MGA: variants seen among roughly 807,000 people sequenced by gnomAD.
MGA encodes the protein MAX dimerization protein MGA, also known as MAX gene-associated protein.
In MGA, 40 loss-of-function variants were observed where a neutral mutation model predicts 261.1. The observed-to-expected ratio is 0.15, with a 90% confidence interval of 0.12 to 0.20. MGA has a LOEUF of 0.20. MGA is among the 10% of genes least tolerant of loss of function. MGA has a pLI of 1.00. For synonymous variants in MGA, 1,302 were observed against 1,290.6 expected (o/e 1.01, Z -0.19); for missense variants, 3,397 against 3,630.5 (o/e 0.94, Z 1.65).
chr15:41,679,567 G>C (rs540062136), intron 2 of MGA, among the ~76,000 whole-genome samples: 1 of 151,974 alleles, frequency 6.6e-6, no homozygotes, highest in Non-Finnish European at 1.5e-5. Flanking sequence ...ATTATATATT[G>C]AGTGATTTCC....
intron 1 of MGA, among the ~76,000 whole-genome samples, chr15:41,660,812 A>G (rs895502263): frequency 3.3e-5 from 5 of 152,058 alleles, no homozygotes; most frequent in African/African-American, 1.2e-4. Flanking sequence ...ACGAGGCGGG[A>G]GGGGTGAGAA....
At chr15:41,748,976 A>T (rs1268505315) in intron 16 of MGA, 49 bp downstream of exon 16, 1 of 1,589,904 alleles carries the variant, frequency 6.3e-7, no homozygotes, top group East Asian at 2.2e-5. Context: ...TCACTTGGCC[A>T]TATGGTATGT....
At chr15:41,732,600 G>C (rs2061568028) in intron 11 of MGA, among the ~76,000 whole-genome samples, 1 of 152,158 alleles carries the variant, frequency 6.6e-6, no homozygotes, top group African/African-American at 2.4e-5. Context: ...TTGTGAGGTG[G>C]GAGGTATTTT....
Position 41,767,450 on chromosome 15 carries a change from A to T in MGA, c.*170A>T. ...GGGTGCTGACCCTGGTATAAGAAGT[A>T]CTCTGAAATTCTGATCATGTTAAAA... On this transcript the variant is annotated 3_prime_UTR_variant, in exon 24 of 24. Coordinates refer to ENST00000219905, the MANE Select transcript of MGA (RefSeq NM_001164273.2). The T allele has an allele frequency of 1.5e-6, 1 of 675,184 alleles. No homozygotes were observed. The highest frequency in any genetic ancestry group is 4.1e-4 in the Middle Eastern group (1 of 2,446). The allele number at this position is 675,184 out of a possible 1,614,324, so 41.8% of individuals were successfully genotyped here.
At chr15:41,666,284 A>C (rs4923907) in intron 1 of MGA, among the ~76,000 whole-genome samples, 1 of 152,100 alleles carries the variant, frequency 6.6e-6, no homozygotes, top group African/African-American at 2.4e-5. Flanking sequence ...CAAGTCATCA[A>C]GTTTTCCTTG....
chr15:41,701,073 G>C (rs2059826518), intron 5 of MGA, among the ~76,000 whole-genome samples: 1 of 152,228 alleles, frequency 6.6e-6, no homozygotes, highest in Non-Finnish European at 1.5e-5. Flanking sequence ...GTAATAGACA[G>C]TCACATCATA....
chr15:41,668,220 C>T (rs1361267148), intron 1 of MGA, among the ~76,000 whole-genome samples: 1 of 151,728 alleles, frequency 6.6e-6, no homozygotes, highest in Non-Finnish European at 1.5e-5. Context: ...ATATTAGAGT[C>T]ATCTGGAATT....
In MGA at chr15:41,704,388, G is replaced by A. The variant is rs62002070; in HGVS notation, c.2189-3340G>A. 3.3e-3 allele frequency among the ~76,000 whole-genome samples: 509 copies of A among 152,218 alleles called. 2 individuals are homozygous for A. Among genetic ancestry groups the A allele is most frequent in the Non-Finnish European group, 4.5e-3 (306 of 68,010 alleles). ...AAATTAGTGATTAGCGGCCAGGCGC[G>A]GTGGCTCACGCCTGTAATCCCAGCA... is the stretch of plus-strand genomic sequence containing the variant. On this transcript the variant is annotated intron_variant, in intron 5 of 23. Transcript: ENST00000219905.
intron 1 of MGA, among the ~76,000 whole-genome samples, chr15:41,647,694 GC>G (rs1351520149): frequency 6.6e-6 from 1 of 151,672 alleles, no homozygotes; most frequent in African/African-American, 2.4e-5. Context: ...ACATTTTTGG[GC>G]TTTTTCAAAC....
chr15:41,672,779 C>T (rs920979358), intron 2 of MGA, among the ~76,000 whole-genome samples: 2 of 151,852 alleles, frequency 1.3e-5, no homozygotes, highest in East Asian at 1.9e-4. Context: ...GCTTGTAAAG[C>T]GTAAAATATT....
At position 41,756,028 on chromosome 15, in the gene MGA, T is replaced by C. The variant is rs554681433; in HGVS notation, c.7139+1461T>C. On this transcript the variant is annotated intron_variant, in intron 18 of 23. Coordinates refer to ENST00000219905, the MANE Select transcript of MGA (RefSeq NM_001164273.2). ...TGAGACTCCATCTCAAAAAAAAAAATTAAAGATTTAATTAGATTTGTTTAA... is the reference window on the plus strand; with the variant it reads ...TGAGACTCCATCTCAAAAAAAAAAACTAAAGATTTAATTAGATTTGTTTAA... Among the ~76,000 whole-genome samples the C allele has an allele frequency of 2.0e-5, 3 of 151,824 alleles. No homozygotes were observed. The South Asian group carries it at 6.2e-4, about 32-fold the overall frequency.
rs142629402 is a variant in MGA, at chr15:41,759,614, A to G, written c.7192-709A>G. On this transcript the variant is annotated intron_variant, in intron 19 of 23. Coordinates refer to ENST00000219905, the MANE Select transcript of MGA (RefSeq NM_001164273.2). ...CACTGTGCCTGGCCAGCCTTTTCAT[A>G]TATTTTAAGTCCTATATGCAAAGAT... Among the ~76,000 whole-genome samples, 182 of 152,096 alleles carry G rather than the reference A, an allele frequency of 1.2e-3. 1 individual carries two copies. Among genetic ancestry groups the G allele is most frequent in the African/African-American group, 4.1e-3 (172 of 41,502 alleles).
intron 1 of MGA, among the ~76,000 whole-genome samples, chr15:41,662,683 C>G (rs955391301): frequency 3.9e-5 from 6 of 152,168 alleles, no homozygotes; most frequent in African/African-American, 1.4e-4. Flanking sequence ...TATCCACATT[C>G]TGTTTTTAAG....
upstream of MGA, among the ~76,000 whole-genome samples, chr15:41,659,108 T>C (rs1409575126): frequency 6.6e-6 from 1 of 152,172 alleles, no homozygotes; most frequent in African/African-American, 2.4e-5. Context: ...TTGCCTAGGA[T>C]CTTGAATGCT....
chr15:41,697,123 T>A (rs962654632), intron 3 of MGA, 100 bp downstream of exon 3: 2 of 1,071,946 alleles, frequency 1.9e-6, no homozygotes, highest in Non-Finnish European at 2.6e-6. Context: ...TTTTGTGATA[T>A]CTATTTGTGA....
rs1450531968 is a variant in MGA, at chr15:41,669,928, T to G, written c.1034T>G (p.Val345Gly). Residue 345 changes from valine to glycine, a missense_variant, in exon 2 of 24, where the codon GTT becomes GGT. Physicochemically the swap from Val to Gly is moderately radical, Grantham distance 109. Transcript: ENST00000219905. The stretch of plus-strand genomic sequence containing the variant: ...GATACTGATTCAGCACTTAGTGAAG[T>G]TCCTCAATTGAAGCAAGAGATTTCT... 1 of 1,613,406 alleles carries G rather than the reference T, an allele frequency of 6.2e-7. No individual in the cohort carries two copies.
intron 1 of MGA, among the ~76,000 whole-genome samples, chr15:41,664,477 G>A (rs2057608903): frequency 6.6e-6 from 1 of 152,156 alleles, no homozygotes; most frequent in Non-Finnish European, 1.5e-5. Flanking sequence ...CAAAATTTTA[G>A]TTTATAGAAA....
chr15:41,765,520 T>C (rs1387290986), intron 23 of MGA, among the ~76,000 whole-genome samples: 1 of 152,236 alleles, frequency 6.6e-6, no homozygotes, highest in Admixed American at 6.5e-5. Flanking sequence ...ACTAAATTTC[T>C]ATTAAGATGA....
chr15:41,659,112 G>C (rs778488206), upstream of MGA, among the ~76,000 whole-genome samples: 1 of 152,146 alleles, frequency 6.6e-6, no homozygotes, highest in African/African-American at 2.4e-5. Context: ...CTAGGATCTT[G>C]AATGCTCTTG....
Sources: allele counts gnomAD v4.1 joint callset (sites outside exome capture counted in the v4.1 genomes callset), GRCh38; gene constraint gnomAD v4.1.1; transcripts MANE v1.5; gene names NCBI Gene and HGNC (gene_info 2026-07-23, HGNC 2026-07-21).